The following STRA6 variants were observed in gnomAD, a reference collection of about 807,000 sequenced individuals.
STRA6 encodes the protein signaling receptor and transporter of retinol STRA6.
A neutral mutation model predicts 83.6 loss-of-function variants in STRA6; 48 were observed. That is an observed-to-expected ratio of 0.57 (90% confidence interval 0.46 to 0.73). STRA6 has a LOEUF of 0.73. Among genes scored for constraint, STRA6 ranks in the 30% least tolerant of loss-of-function variants. STRA6 has a pLI of 0.00. For synonymous variants in STRA6, 353 were observed against 362.3 expected (o/e 0.97, Z 0.29); for missense variants, 760 against 838.8 (o/e 0.91, Z 1.16).
intron 5 of STRA6, among the ~76,000 whole-genome samples, 157 bp from the exon 6 acceptor site, chr15:74,195,832 T>G (rs1219628684): frequency 1.3e-5 from 2 of 152,200 alleles, no homozygotes; most frequent in African/African-American, 4.8e-5. Flanking sequence ...ATGCATACTT[T>G]GTAGCATCGT....
chr15:74,179,971 C>T lies in STRA6; in HGVS notation c.*109G>A. 6.9e-7 allele frequency: 1 copy of T among 1,454,844 alleles called. No individual in the cohort carries two copies. 90.1% of individuals were successfully genotyped at this position (1,454,844 alleles called of 1,614,324 possible). On this transcript the variant is annotated 3_prime_UTR_variant, in exon 19 of 19. Transcript: ENST00000395105. ...CAACCACAGTGATCCGGAGGACCTGCTGGCTGCATGGCTGGTGTGATGCTG... is the reference window on the plus strand; with the variant it reads ...CAACCACAGTGATCCGGAGGACCTGTTGGCTGCATGGCTGGTGTGATGCTG...
chr15:74,185,042 T>A lies in STRA6; in HGVS notation c.1104A>T (p.Ser368=). 6.2e-7 allele frequency: 1 copy of A among 1,613,948 alleles called. No individual in the cohort carries two copies. The highest frequency in any genetic ancestry group is 1.3e-5 in the African/African-American group (1 of 75,042). Residue 368 remains serine (S), a synonymous_variant, in exon 13 of 19, where the codon TCA becomes TCT. Transcript: ENST00000395105. ...TGAGTAAGCAGGACAAGACCAAGGCTGAGATGTAGCACACTGGTGGGCAGA... is the reference window on the plus strand; with the variant it reads ...TGAGTAAGCAGGACAAGACCAAGGCAGAGATGTAGCACACTGGTGGGCAGA... ...HLWALEVCYI[S]ALVLSCLLTF...
intron 14 of STRA6, chr15:74,183,445 C>A: frequency 1.0e-6 from 1 of 1,004,278 alleles, no homozygotes; most frequent in Non-Finnish European, 1.2e-6. Flanking sequence ...GGGGTCTCAC[C>A]ATGTTGGCCA....
Position 74,195,432 on chromosome 15 carries a change from G to A in STRA6, c.467C>T (p.Ala156Val). The change falls in exon 7 of 19, where the codon GCC becomes GTC. Residue 156 changes from alanine to valine, a missense_variant. Transcript: ENST00000395105. ...WKILGLFYYAALYYPLAACAT... is the reference protein window; with the variant it reads ...WKILGLFYYAVLYYPLAACAT... ...ACAGGCAGCCAGAGGGTAGTAGAGG[G>A]CAGCATAATAGAACAGTCCCAGTAT... The A allele has an allele frequency of 6.2e-7, 1 of 1,613,710 alleles. No individual in the cohort carries two copies.
intron 18 of STRA6, 95 bp downstream of exon 18, chr15:74,180,686 TC>T: frequency 6.7e-7 from 1 of 1,500,726 alleles, no homozygotes; most frequent in Admixed American, 2.2e-5. Context: ...GTGAGAATTT[TC>T]CTGGCGCTCA....
chr15:74,189,314 A>G, intron 11 of STRA6, 37 bp from the exon 12 acceptor site: 1 of 1,563,414 alleles, frequency 6.4e-7, no homozygotes, highest in South Asian at 1.2e-5. Flanking sequence ...CATCCCAGGA[A>G]AGGGTTTTCT....
chr15:74,190,964 C>T (rs1405842936), intron 10 of STRA6, 63 bp from the exon 11 acceptor site: 1 of 1,609,272 alleles, frequency 6.2e-7, no homozygotes, highest in Admixed American at 1.7e-5. Context: ...GCCCTCCTCC[C>T]TCCCAAGGGG....
intron 7 of STRA6, chr15:74,195,053 C>T (rs957417112): frequency 1.4e-6 from 2 of 1,445,932 alleles, no homozygotes; most frequent in Non-Finnish European, 1.8e-6. Context: ...CCTACTCTGC[C>T]CACTTCCCCT....
chr15:74,182,212 G>A lies in STRA6; in HGVS notation c.1469C>T (p.Ala490Val), dbSNP rs576169960. The change falls in exon 16 of 19, where the codon GCC (alanine) becomes GTC (valine). Residue 490 changes from alanine to valine, a missense_variant. Coordinates refer to ENST00000395105, the MANE Select transcript of STRA6 (RefSeq NM_022369.4). ...ALAVILQNMA[A>V]HWVFLETHDG... is the part of the protein sequence containing the mutation. ...ATGAGTCTCCAGGAAGACCCAATGGGCTGCCATGTTCTGCAGGATCACAGC... is the reference window on the plus strand; with the variant it reads ...ATGAGTCTCCAGGAAGACCCAATGGACTGCCATGTTCTGCAGGATCACAGC... 6.2e-7 allele frequency: 1 copy of A among 1,614,200 alleles called. No individual in the cohort carries two copies. Among genetic ancestry groups the A allele is most frequent in the South Asian group, 1.1e-5 (1 of 91,088 alleles).
chr15:74,183,570 C>A (rs1485228541), intron 14 of STRA6: 2 of 1,273,396 alleles, frequency 1.6e-6, no homozygotes, highest in African/African-American at 3.1e-5. Flanking sequence ...GAATTTGACA[C>A]CTCCAGACCT....
chr15:74,195,030 G>C lies in STRA6; in HGVS notation c.597+272C>G, dbSNP rs2073742337. ...GCATTGGGGGTGGGGGCCATTTCAGGCTTTCTCTTCCCCCTACTCTGCCCA... is the reference window on the plus strand; with the variant it reads ...GCATTGGGGGTGGGGGCCATTTCAGCCTTTCTCTTCCCCCTACTCTGCCCA... On this transcript the variant is annotated intron_variant, in intron 7 of 18. Transcript: ENST00000395105. The C allele has an allele frequency of 6.3e-6, 9 of 1,435,048 alleles. No homozygotes were observed. The Admixed American group carries it at 2.3e-4, about 36-fold the overall frequency. The allele number at this position is 1,435,048 out of a possible 1,614,324, so 88.9% of individuals were successfully genotyped here.
At position 74,195,955 on chromosome 15, in the gene STRA6, C is replaced by T. The variant is rs578036668; in HGVS notation, c.406+53G>A. On this transcript the variant is annotated intron_variant, in intron 5 of 18. Coordinates refer to ENST00000395105, the MANE Select transcript of STRA6 (RefSeq NM_022369.4). Reference sequence around the variant, plus strand: ...AGCCAAGCTTAAAACTCCGAGACCCCACCCTACCCCATCCCATCACACCAA... The same window carrying T: ...AGCCAAGCTTAAAACTCCGAGACCCTACCCTACCCCATCCCATCACACCAA... The T allele has an allele frequency of 5.8e-5, 94 of 1,610,368 alleles. No individual in the cohort carries two copies. The East Asian group carries it at 1.3e-3, about 23-fold the overall frequency.
intron 14 of STRA6, chr15:74,183,374 T>C: frequency 2.9e-6 from 1 of 348,572 alleles, no homozygotes; most frequent in Non-Finnish European, 4.4e-6. Flanking sequence ...TCCTCCCGAA[T>C]AGCTGGAACT....
upstream of STRA6, chr15:74,209,133 C>T: frequency 2.3e-6 from 3 of 1,318,992 alleles, no homozygotes; most frequent in Non-Finnish European, 2.0e-6. Flanking sequence ...AGGAACCCAC[C>T]CCACCCCCAT....
upstream of STRA6, chr15:74,207,651 C>T (rs1164051384): frequency 1.8e-5 from 27 of 1,505,970 alleles, no homozygotes; most frequent in South Asian, 1.1e-4. Flanking sequence ...GAAGAGAACA[C>T]GCAAGAGAGG....
At chr15:74,190,646 G>A (rs886208028) in intron 11 of STRA6, among the ~76,000 whole-genome samples, 194 bp downstream of exon 11, 1 of 152,116 alleles carries the variant, frequency 6.6e-6, no homozygotes, top group African/African-American at 2.4e-5. Flanking sequence ...TTAATGCTCC[G>A]AGTCACTTCA....
intron 2 of STRA6, among the ~76,000 whole-genome samples, chr15:74,200,811 C>T (rs899205028): frequency 6.6e-6 from 1 of 152,238 alleles, no homozygotes; most frequent in Non-Finnish European, 1.5e-5. Context: ...GGACTGGACT[C>T]CCCATCACCC....
rs557735030 is a variant in STRA6, at chr15:74,201,466, A to G, written c.113+689T>C. Among the ~76,000 whole-genome samples, 3 of 152,268 alleles carry G rather than the reference A, an allele frequency of 2.0e-5. No homozygotes were observed. In the East Asian group the frequency reaches 5.8e-4, roughly 29 times the overall value. ...GACACAGAAGGGGCCCAGCTCCTCCACCAGGGTGCCCAGACTAAACCCCGG... is the reference window on the plus strand; with the variant it reads ...GACACAGAAGGGGCCCAGCTCCTCCGCCAGGGTGCCCAGACTAAACCCCGG... On this transcript the variant is annotated intron_variant, in intron 2 of 18. Coordinates refer to ENST00000395105, the MANE Select transcript of STRA6 (RefSeq NM_022369.4).
intron 2 of STRA6, 144 bp from the exon 3 acceptor site, chr15:74,197,962 G>T: frequency 1.2e-6 from 1 of 837,922 alleles, no homozygotes; most frequent in Non-Finnish European, 1.9e-6. Flanking sequence ...AGCCTTCCCA[G>T]TCCCACCTTC....
Sources: allele counts gnomAD v4.1 joint callset (sites outside exome capture counted in the v4.1 genomes callset), GRCh38; gene constraint gnomAD v4.1.1; transcripts MANE v1.5; gene names NCBI Gene and HGNC (gene_info 2026-07-23, HGNC 2026-07-21).